EBF1: variants seen among roughly 807,000 people sequenced by gnomAD.
The protein encoded by EBF1 is EBF transcription factor 1.
Under a neutral mutation model 68.4 loss-of-function variants are expected in EBF1, and 10 were observed. The observed-to-expected ratio is 0.15, with a 90% CI of 0.09 to 0.25. The LOEUF (loss-of-function observed/expected upper bound fraction) is 0.25. EBF1 is among the 10% of genes least tolerant of loss of function. The pLI, the probability that EBF1 is intolerant of heterozygous loss-of-function variation, is 1.00. For synonymous variants in EBF1, 298 were observed against 299.8 expected (o/e 0.99, Z 0.06); for missense variants, 509 against 794.4 (o/e 0.64, Z 4.32).
intron 6 of EBF1, among the ~76,000 whole-genome samples, chr5:159,025,721 C>G (rs1767597745): frequency 1.3e-5 from 2 of 152,182 alleles, no homozygotes; most frequent in Non-Finnish European, 2.9e-5. Context: ...ATAGGAAGCT[C>G]TCTTTCAATG....
intron 6 of EBF1, among the ~76,000 whole-genome samples, chr5:158,939,704 A>G (rs1386592313): frequency 6.9e-6 from 1 of 145,654 alleles, no homozygotes; most frequent in Non-Finnish European, 1.5e-5. Context: ...TAAGCACTCA[A>G]TCAGCGAATA....
At chr5:158,982,757 C>G (rs747293691) in intron 6 of EBF1, among the ~76,000 whole-genome samples, 1 of 150,664 alleles carries the variant, frequency 6.6e-6, no homozygotes, top group African/African-American at 2.4e-5. Flanking sequence ...AGAATATAAT[C>G]CTGTTGGTAT....
intron 6 of EBF1, among the ~76,000 whole-genome samples, chr5:158,952,546 C>T (rs1816238079): frequency 6.6e-6 from 1 of 152,148 alleles, no homozygotes; most frequent in Admixed American, 6.5e-5. Context: ...GTGCAATTAG[C>T]ATGTCATTAA....
At chr5:158,936,715 T>A (rs993262976) in intron 6 of EBF1, among the ~76,000 whole-genome samples, 1 of 152,198 alleles carries the variant, frequency 6.6e-6, no homozygotes, top group Non-Finnish European at 1.5e-5. Context: ...GGCTTCCTCC[T>A]CTGGATGGGA....
At chr5:158,826,158 T>C (rs1036374947) in intron 7 of EBF1, among the ~76,000 whole-genome samples, 1 of 152,214 alleles carries the variant, frequency 6.6e-6, no homozygotes, top group African/African-American at 2.4e-5. Flanking sequence ...GATTTTACCT[T>C]TGGACACAAC....
chr5:158,984,456 C>T (rs1228661978), intron 6 of EBF1, among the ~76,000 whole-genome samples: 1 of 152,012 alleles, frequency 6.6e-6, no homozygotes, highest in African/African-American at 2.4e-5. Flanking sequence ...CAGTAATGTG[C>T]TCAGGACAAT....
chr5:158,828,499 T>G (rs1172526325), intron 7 of EBF1, among the ~76,000 whole-genome samples: 1 of 152,120 alleles, frequency 6.6e-6, no homozygotes, highest in African/African-American at 2.4e-5. Flanking sequence ...ATTCCCTATA[T>G]AAGGACTGTG....
At chr5:158,962,508 T>G (rs367599239) in intron 6 of EBF1, among the ~76,000 whole-genome samples, 1 of 152,206 alleles carries the variant, frequency 6.6e-6, no homozygotes, top group African/African-American at 2.4e-5. Flanking sequence ...GAAGAGTTTC[T>G]AGAATCATGA....
Position 158,697,238 on chromosome 5 carries a change from A to G in EBF1, c.*1873T>C, listed in dbSNP as rs1445602201. 1 of 192,206 alleles carries G rather than the reference A, an allele frequency of 5.2e-6. No homozygotes were observed. The highest frequency in any genetic ancestry group is 1.1e-5 in the Non-Finnish European group (1 of 92,342). The allele number at this position is 192,206 out of a possible 1,614,324, so 11.9% of individuals were successfully genotyped here. ...AAAGGATACATTTTTTTTTAAATCTACTGAACTAAATACTACAAGAATAAT... is the reference window on the plus strand; with the variant it reads ...AAAGGATACATTTTTTTTTAAATCTGCTGAACTAAATACTACAAGAATAAT... On this transcript the variant is annotated 3_prime_UTR_variant, in exon 16 of 16. Coordinates refer to ENST00000313708, the MANE Select transcript of EBF1 (RefSeq NM_024007.5).
chr5:159,084,900 C>T (rs1308853582), intron 4 of EBF1, among the ~76,000 whole-genome samples, 161 bp from the exon 5 acceptor site: 1 of 152,106 alleles, frequency 6.6e-6, no homozygotes, highest in Non-Finnish European at 1.5e-5. Flanking sequence ...GTATGATATT[C>T]GGGATTAACC....
chr5:158,771,283 T>G (rs1271764680), intron 10 of EBF1, among the ~76,000 whole-genome samples: 2 of 152,134 alleles, frequency 1.3e-5, no homozygotes, highest in Non-Finnish European at 2.9e-5. Context: ...ATTACATACA[T>G]TAACCCTTTT....
chr5:158,851,086 GA>G (rs1358385136), intron 6 of EBF1, among the ~76,000 whole-genome samples: 1 of 151,844 alleles, frequency 6.6e-6, no homozygotes, highest in Non-Finnish European at 1.5e-5. Flanking sequence ...TGCAGGGAAA[GA>G]AAAAGGTTCC....
chr5:158,733,570 G>T (rs866997928), intron 10 of EBF1, among the ~76,000 whole-genome samples: 2 of 152,030 alleles, frequency 1.3e-5, no homozygotes, highest in African/African-American at 4.8e-5. Flanking sequence ...GAAGTCATTC[G>T]GCTGCCACAG....
chr5:158,713,048 C>A lies in EBF1; in HGVS notation c.1291G>T (p.Ala431Ser), dbSNP rs377223081. Residue 431 changes from alanine to serine, a missense_variant, in exon 13 of 16, where the codon GCA becomes TCA. Physicochemically the swap from Ala to Ser is moderately conservative, Grantham distance 99 (BLOSUM62 1). Coordinates refer to ENST00000313708, the MANE Select transcript of EBF1 (RefSeq NM_024007.5). Reference protein sequence around the residue: ...LPALANTSVHAGMMGVNSFSG... With the variant: ...LPALANTSVHSGMMGVNSFSG... ...AACGAATTCACGCCCATCATCCCTG[C>A]GTGGACCGAGGTGTTAGCAAGGGCC... is the stretch of plus-strand genomic sequence containing the variant. The A allele has an allele frequency of 5.0e-6, 8 of 1,598,092 alleles. No homozygotes were observed. The highest frequency in any genetic ancestry group is 6.8e-6 in the Non-Finnish European group (8 of 1,171,010).
chr5:158,948,405 A>G (rs1252998000), intron 6 of EBF1, among the ~76,000 whole-genome samples: 1 of 152,140 alleles, frequency 6.6e-6, no homozygotes, highest in East Asian at 1.9e-4. Context: ...TAGCAGGGGC[A>G]TTATTCAAGC....
chr5:158,857,924 G>A (rs1794338294), intron 6 of EBF1, among the ~76,000 whole-genome samples: 1 of 152,056 alleles, frequency 6.6e-6, no homozygotes, highest in South Asian at 2.1e-4. Context: ...CAATCTCTCT[G>A]CCTCTGTTTA....
intron 3 of EBF1, 61 bp from the exon 4 acceptor site, chr5:159,095,736 A>C: frequency 6.5e-7 from 1 of 1,545,444 alleles, no homozygotes; most frequent in East Asian, 2.2e-5. Context: ...GGGTGGGTGG[A>C]CAATAATTAA....
At chr5:159,095,842 C>G (rs1394280601) in intron 3 of EBF1, among the ~76,000 whole-genome samples, 167 bp from the exon 4 acceptor site, 4 of 152,254 alleles carry the variant, frequency 2.6e-5, no homozygotes, top group South Asian at 4.1e-4. Context: ...AATACAGCCA[C>G]GATCTCCCTT....
chr5:158,797,842 C>CT (rs1779856946), intron 8 of EBF1, among the ~76,000 whole-genome samples: 1 of 152,128 alleles, frequency 6.6e-6, no homozygotes, highest in Non-Finnish European at 1.5e-5. Flanking sequence ...GATGACTTTT[C>CT]TCTTCTCTAC....
Sources: gnomAD v4.1 joint callset for allele counts (sites outside exome capture counted in the v4.1 genomes callset) on GRCh38, gnomAD v4.1.1 for gene constraint, MANE v1.5 for transcripts, NCBI Gene and HGNC (gene_info 2026-07-23, HGNC 2026-07-21) for gene names.